The following TMEM135 variants were observed in gnomAD, a reference collection of about 807,000 sequenced individuals.
The protein encoded by TMEM135 is transmembrane protein 135.
In TMEM135, 30 loss-of-function variants were observed where a neutral mutation model predicts 60.3. The observed-to-expected ratio is 0.50, with a 90% CI of 0.37 to 0.68. TMEM135 has a LOEUF of 0.68. TMEM135 is among the 30% of genes least tolerant of loss of function. TMEM135 has a pLI of 0.00. For missense variants in TMEM135, 468 were observed against 548.8 expected (o/e 0.85, Z 1.47); for synonymous variants, 190 against 186.7 (o/e 1.02, Z -0.14).
chr11:87,067,433 T>G (rs1483717378), intron 1 of TMEM135, among the ~76,000 whole-genome samples: 1 of 152,012 alleles, frequency 6.6e-6, no homozygotes, highest in African/African-American at 2.4e-5. Context: ...TTTTAAGGCA[T>G]TACAAATATT....
At chr11:87,224,387 T>A (rs902914799) in intron 5 of TMEM135, among the ~76,000 whole-genome samples, 2 of 152,366 alleles carry the variant, frequency 1.3e-5, no homozygotes, top group Non-Finnish European at 1.5e-5. Flanking sequence ...CTAGTGATCT[T>A]TCTTAGCTTT....
intron 14 of TMEM135, among the ~76,000 whole-genome samples, chr11:87,319,979 T>C (rs1942793185): frequency 6.6e-6 from 1 of 152,258 alleles, no homozygotes; most frequent in East Asian, 1.9e-4. Context: ...CGGTCTACAA[T>C]GAAATAATAA....
intron 4 of TMEM135, among the ~76,000 whole-genome samples, chr11:87,139,201 T>C (rs1041386012): frequency 6.6e-6 from 1 of 152,188 alleles, no homozygotes; most frequent in Non-Finnish European, 1.5e-5. Context: ...TACCCAGATT[T>C]TTCCCAATGA....
At chr11:87,235,316 ATG>A (rs1036784055) in intron 5 of TMEM135, among the ~76,000 whole-genome samples, 13 of 151,684 alleles carry the variant, frequency 8.6e-5, no homozygotes, top group East Asian at 3.9e-4. Context: ...GGAGGAGAGT[ATG>A]TGTGTTTAGC....
chr11:87,202,034 T>C, intron 5 of TMEM135, among the ~76,000 whole-genome samples: 1 of 151,990 alleles, frequency 6.6e-6, no homozygotes, highest in South Asian at 2.1e-4. Flanking sequence ...TGTTTTACGT[T>C]ATGTTATGTT....
At chr11:87,073,737 G>A (rs1383530341) in intron 3 of TMEM135, among the ~76,000 whole-genome samples, 4 of 151,450 alleles carry the variant, frequency 2.6e-5, no homozygotes, top group Admixed American at 2.6e-4. Context: ...GTGCAATCTC[G>A]GCTCACTGCA....
intron 4 of TMEM135, among the ~76,000 whole-genome samples, chr11:87,114,829 G>T (rs1411528479): frequency 2.6e-5 from 4 of 152,128 alleles, no homozygotes. Context: ...GGAAATAATT[G>T]TACACACTAG....
At chr11:87,282,958 A>C (rs996616584) in intron 6 of TMEM135, among the ~76,000 whole-genome samples, 6 of 152,114 alleles carry the variant, frequency 3.9e-5, no homozygotes, top group Non-Finnish European at 7.4e-5. Context: ...AAAATCTTTG[A>C]GAGGATGTAA....
rs1373053401 is a variant in TMEM135, at chr11:87,328,169, C to G, written c.*6836C>G. 6.6e-6 allele frequency: 3 copies of G among 454,036 alleles called. No individual in the cohort carries two copies. Among genetic ancestry groups the G allele is most frequent in the South Asian group, 4.7e-5 (3 of 64,468 alleles). 28.1% of individuals were successfully genotyped at this position (454,036 alleles called of 1,614,324 possible). A position where few individuals can be genotyped will look rare whatever the true frequency, so the allele number is the denominator to read the frequency against. Reference sequence around the variant, plus strand: ...GAAAACATTTCTAATGGACATATTCCAATTCTGTATAGATCAGATCTCAGT... The same window carrying G: ...GAAAACATTTCTAATGGACATATTCGAATTCTGTATAGATCAGATCTCAGT... On this transcript the variant is annotated 3_prime_UTR_variant, in exon 15 of 15. Transcript: ENST00000305494.
chr11:87,213,865 A>G (rs1940435400), intron 5 of TMEM135, among the ~76,000 whole-genome samples: 1 of 152,216 alleles, frequency 6.6e-6, no homozygotes, highest in Non-Finnish European at 1.5e-5. Context: ...AGAATTTTGT[A>G]CTAACATATC....
chr11:87,169,064 T>G (rs956174213), intron 5 of TMEM135, among the ~76,000 whole-genome samples: 2 of 151,972 alleles, frequency 1.3e-5, no homozygotes, highest in Admixed American at 1.3e-4. Context: ...ATGCCCTTCT[T>G]TGTCTCTTTT....
intron 5 of TMEM135, among the ~76,000 whole-genome samples, chr11:87,169,724 G>T (rs1352569200): frequency 6.6e-6 from 1 of 152,076 alleles, no homozygotes; most frequent in Non-Finnish European, 1.5e-5. Context: ...CTCTCTGGCT[G>T]CCCTTAACAT....
In TMEM135 at chr11:87,120,472, C is replaced by CTTTTTTTT. The variant is rs541561365; in HGVS notation, c.396+29087_396+29094dup. On this transcript the variant is annotated intron_variant, in intron 4 of 14. Coordinates refer to ENST00000305494, the MANE Select transcript of TMEM135 (RefSeq NM_022918.4). ...TAAAATATAGCATGAGATGAAATTT[C>CTTTTTTTT]TTTTTTTTTTTTTTTTTGAGACAGA... is the stretch of plus-strand genomic sequence containing the variant. Among the ~76,000 whole-genome samples the CTTTTTTTT allele has an allele frequency of 7.0e-3, 729 of 104,146 alleles. 29 individuals carry two copies. Among genetic ancestry groups the CTTTTTTTT allele is most frequent in the East Asian group, 0.012 (39 of 3,216 alleles). The allele number at this position is 104,146 out of a possible 152,430, so 68.3% of individuals were successfully genotyped here. A position where few individuals can be genotyped will look rare whatever the true frequency, so the allele number is the denominator to read the frequency against.
chr11:87,316,261 A>C (rs1459602439), intron 12 of TMEM135, among the ~76,000 whole-genome samples: 14 of 150,348 alleles, frequency 9.3e-5, no homozygotes, highest in African/African-American at 3.4e-4. Context: ...GCTTTACCCA[A>C]ATATATGTGT....
chr11:87,084,041 C>T (rs543503358), intron 3 of TMEM135, among the ~76,000 whole-genome samples: 6 of 152,006 alleles, frequency 3.9e-5, no homozygotes, highest in South Asian at 2.1e-4. Flanking sequence ...TATTCCCCAG[C>T]GGCCTCTTGT....
chr11:87,314,450 A>G lies in TMEM135; in HGVS notation c.1001-21A>G, dbSNP rs775236319. 8.9e-6 allele frequency: 14 copies of G among 1,580,444 alleles called. No homozygotes were observed. The East Asian group carries it at 3.1e-4, about 36-fold the overall frequency. On this transcript the variant is annotated intron_variant, in intron 11 of 14. Coordinates refer to ENST00000305494, the MANE Select transcript of TMEM135 (RefSeq NM_022918.4). Reference sequence around the variant, plus strand: ...TAAATACTCTGCGATCTTATCAGTTATTTCTTATTTCTTGTTTCAGGATTT... The same window carrying G: ...TAAATACTCTGCGATCTTATCAGTTGTTTCTTATTTCTTGTTTCAGGATTT...
At chr11:87,308,084 T>C (rs1942582108) in intron 9 of TMEM135, among the ~76,000 whole-genome samples, 2 of 152,228 alleles carry the variant, frequency 1.3e-5, no homozygotes, top group Admixed American at 1.3e-4. Context: ...ACATTTATTA[T>C]AATCTTTTGT....
intron 6 of TMEM135, among the ~76,000 whole-genome samples, chr11:87,249,932 G>A (rs919180131): frequency 3.3e-5 from 5 of 151,948 alleles, no homozygotes; most frequent in Non-Finnish European, 7.4e-5. Flanking sequence ...ATCAGGTTCT[G>A]GACTTTTCTT....
At position 87,166,185 on chromosome 11, in the gene TMEM135, G is replaced by T. The variant is rs889078189; in HGVS notation, c.462+8779G>T. Among the ~76,000 whole-genome samples, 9 of 151,566 alleles carry T rather than the reference G, an allele frequency of 5.9e-5. 1 individual carries two copies. Among genetic ancestry groups the T allele is most frequent in the African/African-American group, 2.2e-4 (9 of 41,126 alleles). ...TGATGGGGCTGTTTGTTTTTTTCTT[G>T]TAAATTTATTTAAGTATTAGCCCCT... On this transcript the variant is annotated intron_variant, in intron 5 of 14. Coordinates refer to ENST00000305494, the MANE Select transcript of TMEM135 (RefSeq NM_022918.4).
Sources: gnomAD v4.1 joint callset for allele counts (sites outside exome capture counted in the v4.1 genomes callset) on GRCh38, gnomAD v4.1.1 for gene constraint, MANE v1.5 for transcripts, NCBI Gene and HGNC (gene_info 2026-07-23, HGNC 2026-07-21) for gene names.